Variants in AS3MT observed in about 807,000 individuals in gnomAD.
AS3MT encodes the protein arsenite methyltransferase.
In AS3MT, 47 loss-of-function variants were observed where a neutral mutation model predicts 45.3. That is an observed-to-expected ratio of 1.04 (90% CI 0.82 to 1.32). AS3MT has a LOEUF of 1.32. AS3MT is among the 40% of genes most tolerant of loss of function. The pLI, the probability that AS3MT is intolerant of heterozygous loss-of-function variation, is 0.00. For missense variants in AS3MT, 396 were observed against 451.1 expected, an observed-to-expected ratio of 0.88 and a Z score of 1.11; for synonymous variants, 141 against 152.8, an observed-to-expected ratio of 0.92 and a Z score of 0.57.
rs1218222079 is a variant in AS3MT at position 102,878,439 on chromosome 10, G to A, written c.671G>A (p.Gly224Glu). Residue 224 changes from glycine to glutamate, a missense_variant, in exon 8 of 11, where the codon GGG (glycine) becomes GAG (glutamate). Physicochemically the swap from Gly to Glu is moderately conservative, Grantham distance 98. Transcript: ENST00000369880. The stretch of plus-strand genomic sequence containing the variant: ...CTTGCTGTCCTTGCTCAAAAAATTG[G>A]GTTCTGCCCTCCACGTTTGGTCACT... ...KELAVLAQKI[G>E]FCPPRLVTAN... 24 of 1,613,974 alleles carry A rather than the reference G, an allele frequency of 1.5e-5. No homozygotes were observed. Among genetic ancestry groups the A allele is most frequent in the Non-Finnish European group, 2.0e-5 (24 of 1,179,992 alleles).
Position 102,881,167 on chromosome 10 carries a change from T to C in AS3MT, c.885+2176T>C, listed in dbSNP as rs1455432918. 8.5e-5 allele frequency among the ~76,000 whole-genome samples: 13 copies of C among 152,172 alleles called. No individual in the cohort carries two copies. Among genetic ancestry groups the C allele is most frequent in the Admixed American group, 8.5e-4 (13 of 15,262 alleles). On this transcript the variant is annotated intron_variant, in intron 9 of 10. Coordinates refer to ENST00000369880, the MANE Select transcript of AS3MT (RefSeq NM_020682.4). The surrounding 1 kb of genome is among the most constrained non-coding windows in gnomAD (Gnocchi z 4.2). ...TGCCATGGTGAGGGAAACAGTGTAG[T>C]TAGAGGAACAGATGAAGTCAGAACA...
At chr10:102,888,325 T>C (rs1283515254) in intron 9 of AS3MT, 1 of 152,226 alleles carries the variant, frequency 6.6e-6, no homozygotes, top group African/African-American at 2.4e-5. Context: ...GTAGCTATTT[T>C]GGGGCGTTCA....
Position 102,870,067 on chromosome 10 carries a change from G to A in AS3MT, c.43-17G>A, listed in dbSNP as rs1416893470. On this transcript the variant is annotated splice_polypyrimidine_tract_variant and intron_variant, in intron 2 of 10. Coordinates refer to ENST00000369880, the MANE Select transcript of AS3MT (RefSeq NM_020682.4). ...CTCCCTCTCTACCCCTCACTCCACT[G>A]TGGGACGCTGGGTCAGACCTACTAC... 1 of 1,613,256 alleles carries A rather than the reference G, an allele frequency of 6.2e-7. No individual in the cohort carries two copies.
At chr10:102,876,000 T>C (rs952092326) in intron 6 of AS3MT, among the ~76,000 whole-genome samples, 6 of 148,292 alleles carry the variant, frequency 4.0e-5, no homozygotes, top group African/African-American at 7.5e-5. Context: ...AATATCTATA[T>C]AGAAATGATT....
intron 9 of AS3MT, chr10:102,887,835 A>C (rs1844983621): frequency 6.5e-6 from 1 of 152,838 alleles, no homozygotes; most frequent in Admixed American, 6.6e-5. Flanking sequence ...CAGATAAATA[A>C]ATTTTTATCT....
At chr10:102,883,255 C>T (rs1009607545) in intron 9 of AS3MT, among the ~76,000 whole-genome samples, 5 of 151,474 alleles carry the variant, frequency 3.3e-5, no homozygotes, top group African/African-American at 9.7e-5. Context: ...TGGGTGCCAA[C>T]GCACCTGGCT....
intron 9 of AS3MT, among the ~76,000 whole-genome samples, chr10:102,886,540 T>C (rs12253834): frequency 0.1 from 15,796 of 152,018 alleles, 848 homozygotes; most frequent in Middle Eastern, 0.18. Context: ...TTGGCCAGGC[T>C]GGTCTTGAAC....
chr10:102,883,123 T>TGG (rs1844892997), intron 9 of AS3MT, among the ~76,000 whole-genome samples: 3 of 147,468 alleles, frequency 2.0e-5, no homozygotes, highest in African/African-American at 5.0e-5. Context: ...TTTTTTGAGA[T>TGG]GGAGTCTTGC....
chr10:102,876,488 G>A (rs1294857797), intron 6 of AS3MT, among the ~76,000 whole-genome samples: 1 of 151,962 alleles, frequency 6.6e-6, no homozygotes, highest in African/African-American at 2.4e-5. Flanking sequence ...GTGTTGCCAA[G>A]GCTAGTCTCA....
At chr10:102,873,281 A>T (rs1234258777) in intron 5 of AS3MT, 48 bp downstream of exon 5, 2 of 1,291,862 alleles carry the variant, frequency 1.5e-6, no homozygotes, top group Non-Finnish European at 2.0e-6. Context: ...TTTCTTTATT[A>T]TTATTATTAT....
In AS3MT at chr10:102,881,666, AAAG is replaced by A. The variant is rs1197274951; in HGVS notation, c.885+2680_885+2682del. Among the ~76,000 whole-genome samples, 1 of 152,210 alleles carries A rather than the reference AAAG, an allele frequency of 6.6e-6. No homozygotes were observed. The highest frequency in any genetic ancestry group is 1.5e-5 in the Non-Finnish European group (1 of 68,044). On this transcript the variant is annotated intron_variant, in intron 9 of 10. Transcript: ENST00000369880. The surrounding 1 kb of genome is among the most constrained non-coding windows in gnomAD (Gnocchi z 4.2). Reference sequence around the variant, plus strand: ...TGGGTACATACTGCAAGTTCAGTGAAAAGAAGATACTGTCATTATTTGTTCCAA... The same window carrying A: ...TGGGTACATACTGCAAGTTCAGTGAAAAGATACTGTCATTATTTGTTCCAA...
chr10:102,879,248 T>A (rs888504978), intron 9 of AS3MT, among the ~76,000 whole-genome samples: 11 of 152,082 alleles, frequency 7.2e-5, no homozygotes, highest in African/African-American at 2.2e-4. Context: ...CAGCCTGACC[T>A]CCTGGGCTCA....
intron 10 of AS3MT, among the ~76,000 whole-genome samples, chr10:102,900,061 G>A (rs1305104958): frequency 6.6e-6 from 1 of 152,148 alleles, no homozygotes; most frequent in Non-Finnish European, 1.5e-5. Context: ...GAAAGGAGGG[G>A]AAATAAATAC....
chr10:102,884,210 C>A (rs1289989589), intron 9 of AS3MT, among the ~76,000 whole-genome samples: 3 of 151,952 alleles, frequency 2.0e-5, no homozygotes, highest in Non-Finnish European at 4.4e-5. Context: ...GAACTCCTGA[C>A]CTCAGGTGAT....
chr10:102,891,304 G>A (rs913870178), intron 10 of AS3MT, among the ~76,000 whole-genome samples: 4 of 152,174 alleles, frequency 2.6e-5, no homozygotes, highest in Admixed American at 6.5e-5. Context: ...GAGTCGGCGC[G>A]GGGAGCCCTC....
At chr10:102,871,994 T>C (rs150661800) in intron 3 of AS3MT, among the ~76,000 whole-genome samples, 281 of 152,024 alleles carry the variant, frequency 1.8e-3, no homozygotes, top group African/African-American at 6.0e-3. Flanking sequence ...GCCATTCTCC[T>C]GCCTCAGCCT....
At chr10:102,873,296 A>ATTATTT (rs17879781) in intron 5 of AS3MT, 63 bp downstream of exon 5, 119 of 1,244,492 alleles carry the variant, frequency 9.6e-5, no homozygotes, top group Non-Finnish European at 1.1e-4. Flanking sequence ...TATTATTATT[A>ATTATTT]TTGAGATGGA....
chr10:102,875,476 C>CAAAA (rs35877885), intron 6 of AS3MT, among the ~76,000 whole-genome samples: 5 of 39,636 alleles, frequency 1.3e-4, no homozygotes, highest in East Asian at 7.7e-4. Context: ...GACTCCATCT[C>CAAAA]AAAAAAAAAA....
Position 102,890,549 on chromosome 10 carries a change from T to C in AS3MT, c.891T>C (p.Gly297=). The change falls in exon 10 of 11, where the codon GGT becomes GGC. Residue 297 remains glycine, a synonymous_variant. Coordinates refer to ENST00000369880, the MANE Select transcript of AS3MT (RefSeq NM_020682.4). ...MFDANFTFKE[G]EIVEVDEETA... is the part of the protein sequence containing the mutation. The stretch of plus-strand genomic sequence containing the variant: ...TTTTTTATACTACCCTTTAGGAAGG[T>C]GAAATTGTTGAAGTGGATGAAGAAA... 1 of 1,592,546 alleles carries C rather than the reference T, an allele frequency of 6.3e-7. No homozygotes were observed. Among genetic ancestry groups the C allele is most frequent in the Non-Finnish European group, 8.5e-7 (1 of 1,173,192 alleles).
Sources: gnomAD v4.1 joint callset for allele counts (sites outside exome capture counted in the v4.1 genomes callset) on GRCh38, gnomAD v4.1.1 for gene constraint, Gnocchi (gnomAD v3.1) non-coding constraint, MANE v1.5 for transcripts, NCBI Gene and HGNC (gene_info 2026-07-23, HGNC 2026-07-21) for gene names.